Variants in ULK4 observed in about 807,000 individuals in gnomAD.
ULK4 encodes the protein inactive serine/threonine-protein kinase ULK4.
A neutral mutation model predicts 160.6 loss-of-function variants in ULK4; 133 were observed. That is an observed-to-expected ratio of 0.83 (90% CI 0.72 to 0.96). The LOEUF (loss-of-function observed/expected upper bound fraction) is 0.96, where lower values mean the gene tolerates loss of function less well. ULK4 is among the 40% of genes least tolerant of loss of function. The pLI is 0.00. For synonymous variants in ULK4, 534 were observed against 539.8 expected (o/e 0.99, Z 0.15); for missense variants, 1,580 against 1,499.5 (o/e 1.05, Z -0.89).
intron 35 of ULK4, among the ~76,000 whole-genome samples, chr3:41,256,088 A>G (rs192925660): frequency 6.6e-6 from 1 of 152,348 alleles, no homozygotes; most frequent in East Asian, 1.9e-4. Context: ...ACAATATTCA[A>G]GGATTGGAAG....
At chr3:41,479,439 G>A (rs1433463578) in intron 32 of ULK4, among the ~76,000 whole-genome samples, 5 of 152,226 alleles carry the variant, frequency 3.3e-5, no homozygotes, top group Non-Finnish European at 7.3e-5. Context: ...TAAAGCACCA[G>A]TTGGTGCTGT....
intron 32 of ULK4, among the ~76,000 whole-genome samples, chr3:41,549,573 T>A (rs984266520): frequency 6.6e-6 from 1 of 152,078 alleles, no homozygotes; most frequent in East Asian, 1.9e-4. Context: ...TATTCAAATT[T>A]TGGGTGTTCT....
chr3:41,464,834 G>T (rs185430854), intron 32 of ULK4, among the ~76,000 whole-genome samples: 65 of 152,286 alleles, frequency 4.3e-4, no homozygotes, highest in African/African-American at 1.4e-3. Context: ...GGGTCCCAGA[G>T]CACCCATCTA....
At chr3:41,496,857 A>T (rs9833716) in intron 32 of ULK4, among the ~76,000 whole-genome samples, 62,419 of 151,844 alleles carry the variant, frequency 0.41, 13,003 homozygotes, top group African/African-American at 0.44. Flanking sequence ...TTAGAAAAAC[A>T]AAAAATAAGC....
At chr3:41,448,702 T>C (rs2083360217) in intron 34 of ULK4, among the ~76,000 whole-genome samples, 1 of 151,912 alleles carries the variant, frequency 6.6e-6, no homozygotes, top group African/African-American at 2.4e-5. Context: ...GAGGAGAAAA[T>C]GGCAGTCTGT....
intron 18 of ULK4, among the ~76,000 whole-genome samples, chr3:41,834,839 T>A (rs1476516606): frequency 7.2e-5 from 11 of 152,228 alleles, no homozygotes; most frequent in Admixed American, 7.2e-4. Context: ...AGCCTAGGAA[T>A]TCGAGACCAG....
chr3:41,645,283 T>A (rs1260653413), intron 30 of ULK4, among the ~76,000 whole-genome samples: 3 of 151,748 alleles, frequency 2.0e-5, no homozygotes, highest in Non-Finnish European at 4.4e-5. Flanking sequence ...AATTGTGATG[T>A]TAGGGTGTCA....
chr3:41,420,956 A>C (rs2082650679), intron 34 of ULK4, among the ~76,000 whole-genome samples: 1 of 152,078 alleles, frequency 6.6e-6, no homozygotes, highest in Non-Finnish European at 1.5e-5. Context: ...TCTACTAAAA[A>C]TACAAAAATG....
intron 6 of ULK4, among the ~76,000 whole-genome samples, chr3:41,919,318 T>C (rs1051648187): frequency 6.6e-6 from 1 of 152,136 alleles, no homozygotes; most frequent in Admixed American, 6.6e-5. Flanking sequence ...CACAGTTTTT[T>C]TGGCCAGGCA....
intron 31 of ULK4, among the ~76,000 whole-genome samples, chr3:41,586,527 CAT>C (rs1052011011): frequency 3.9e-5 from 6 of 152,182 alleles, no homozygotes; most frequent in South Asian, 4.1e-4. Flanking sequence ...TTAACGGAAA[CAT>C]AGTTTCAGTT....
intron 32 of ULK4, among the ~76,000 whole-genome samples, chr3:41,511,481 C>T (rs1243169820): frequency 6.6e-6 from 1 of 151,968 alleles, no homozygotes; most frequent in South Asian, 2.1e-4. Context: ...CACAGAAACA[C>T]AAAAGATTAT....
At chr3:41,919,659 A>C (rs1270646465) in intron 6 of ULK4, 58 bp downstream of exon 6, 2 of 1,412,114 alleles carry the variant, frequency 1.4e-6, no homozygotes, top group Non-Finnish European at 2.0e-6. Flanking sequence ...TGCAAAGTAC[A>C]GACTTAACCT....
intron 31 of ULK4, among the ~76,000 whole-genome samples, chr3:41,593,349 C>A (rs556962930): frequency 6.6e-6 from 1 of 152,222 alleles, no homozygotes; most frequent in Admixed American, 6.5e-5. Flanking sequence ...TGAAGATCTA[C>A]CAGGCAAGTT....
At chr3:41,536,720 T>C (rs1046181637) in intron 32 of ULK4, among the ~76,000 whole-genome samples, 2 of 152,184 alleles carry the variant, frequency 1.3e-5, no homozygotes, top group Non-Finnish European at 2.9e-5. Flanking sequence ...CCATGCCTTC[T>C]GAGTAGGCTG....
intron 30 of ULK4, among the ~76,000 whole-genome samples, chr3:41,661,043 TTAG>T (rs1033358703): frequency 8.5e-5 from 13 of 152,190 alleles, no homozygotes; most frequent in African/African-American, 3.1e-4. Flanking sequence ...ATTATTTGCC[TTAG>T]TAGAATTTTA....
At chr3:41,818,904 G>T (rs1451528533) in intron 19 of ULK4, among the ~76,000 whole-genome samples, 1 of 152,204 alleles carries the variant, frequency 6.6e-6, no homozygotes, top group Non-Finnish European at 1.5e-5. Flanking sequence ...CAGCTGGCTG[G>T]CTTTCAGCCA....
At chr3:41,807,791 A>G (rs982978086) in intron 19 of ULK4, among the ~76,000 whole-genome samples, 1 of 152,178 alleles carries the variant, frequency 6.6e-6, no homozygotes. Flanking sequence ...TATCTGAGAG[A>G]ACTCTTCCTT....
intron 2 of ULK4, among the ~76,000 whole-genome samples, chr3:41,946,954 C>T (rs773427674): frequency 6.6e-5 from 10 of 152,008 alleles, no homozygotes; most frequent in Non-Finnish European, 1.3e-4. Context: ...CTCCAAAATG[C>T]TATCAAAATA....
At chr3:41,890,227 G>A (rs539348699) in intron 16 of ULK4, among the ~76,000 whole-genome samples, 1 of 152,258 alleles carries the variant, frequency 6.6e-6, no homozygotes, top group East Asian at 1.9e-4. Context: ...TTTATGGTAT[G>A]TGAATTATAC....
Sources: allele counts gnomAD v4.1 joint callset (sites outside exome capture counted in the v4.1 genomes callset), GRCh38; gene constraint gnomAD v4.1.1; transcripts MANE v1.5; gene names NCBI Gene and HGNC (gene_info 2026-07-23, HGNC 2026-07-21).